The following CYP19A1 variants were observed in gnomAD, a reference collection of about 807,000 sequenced individuals.
CYP19A1 encodes cytochrome P450 family 19 subfamily A member 1, also known as aromatase.
In CYP19A1, 32 loss-of-function variants were observed where a neutral mutation model predicts 44.4. The ratio of observed to expected loss-of-function variants is 0.72; its 90% confidence interval spans 0.54 to 0.97. CYP19A1 has a LOEUF of 0.97. CYP19A1 is among the 50% of genes least tolerant of loss of function. CYP19A1 has a pLI of 0.00. For synonymous variants in CYP19A1, 212 were observed against 215.6 expected (o/e 0.98, Z 0.14); for missense variants, 598 against 637.8 (o/e 0.94, Z 0.67).
chr15:51,229,766 T>C (rs1170509254), intron 3 of CYP19A1, among the ~76,000 whole-genome samples: 1 of 152,228 alleles, frequency 6.6e-6, no homozygotes, highest in Non-Finnish European at 1.5e-5. Flanking sequence ...GTAATTTATA[T>C]ATTCTTTATT....
At chr15:51,308,658 C>T (rs1244195703) in intron 1 of CYP19A1, among the ~76,000 whole-genome samples, 1 of 152,052 alleles carries the variant, frequency 6.6e-6, no homozygotes, top group African/African-American at 2.4e-5. Flanking sequence ...ATATTCAGAC[C>T]CCAAAGTCTT....
At chr15:51,312,825 C>T (rs2036340377) in intron 1 of CYP19A1, 1 of 152,312 alleles carries the variant, frequency 6.6e-6, no homozygotes, top group Non-Finnish European at 1.5e-5. Flanking sequence ...TATATGATGG[C>T]TCTTTTGAAA....
At chr15:51,233,265 G>T (rs1447992124) in intron 3 of CYP19A1, among the ~76,000 whole-genome samples, 1 of 152,152 alleles carries the variant, frequency 6.6e-6, no homozygotes, top group African/African-American at 2.4e-5. Flanking sequence ...GTTTGCCCGG[G>T]ACTATGCCAG....
intron 1 of CYP19A1, among the ~76,000 whole-genome samples, chr15:51,282,457 C>T (rs1401498366): frequency 6.6e-6 from 1 of 152,174 alleles, no homozygotes; most frequent in African/African-American, 2.4e-5. Flanking sequence ...GCTAAACTAT[C>T]ACAGCTGTAG....
At chr15:51,309,920 T>C (rs895138272) in intron 1 of CYP19A1, among the ~76,000 whole-genome samples, 3 of 152,312 alleles carry the variant, frequency 2.0e-5, no homozygotes, top group Middle Eastern at 3.4e-3. Context: ...CTCCAGGATA[T>C]AGCATATGGT....
In CYP19A1 at chr15:51,212,418, T is replaced by A. The variant is rs1595665808; in HGVS notation, c.1165A>T (p.Lys389Ter). The change falls in exon 9 of 10, where the codon AAA (lysine) becomes TAA (stop). Residue 389 changes from lysine (K) to a stop codon, truncating the protein, a stop_gained. Coordinates refer to ENST00000396402, the MANE Select transcript of CYP19A1 (RefSeq NM_000103.4). LOFTEE classifies it high-confidence loss of function. ...TTCAGGATAATGTTTGTCCCCTTTT[T>A]CACTGGGTAGCCATCGATTACATCA... ...EDDVIDGYPV[K>*]KGTNIILNIG... 6.2e-7 allele frequency: 1 copy of A among 1,607,186 alleles called. No individual in the cohort carries two copies. Among genetic ancestry groups the A allele is most frequent in the Non-Finnish European group, 8.5e-7 (1 of 1,173,634 alleles).
intron 1 of CYP19A1, among the ~76,000 whole-genome samples, chr15:51,288,935 A>G (rs1378990230): frequency 1.3e-5 from 2 of 152,234 alleles, no homozygotes; most frequent in African/African-American, 2.4e-5. Context: ...AAGATCTGCA[A>G]TGTGGCAGTG....
chr15:51,257,085 A>G (rs947712734), intron 1 of CYP19A1, among the ~76,000 whole-genome samples: 2 of 152,252 alleles, frequency 1.3e-5, no homozygotes, highest in African/African-American at 4.8e-5. Flanking sequence ...TGCTTTAGGC[A>G]GCAGCCTCCC....
At chr15:51,317,343 T>C (rs2036445864) in intron 1 of CYP19A1, among the ~76,000 whole-genome samples, 1 of 152,108 alleles carries the variant, frequency 6.6e-6, no homozygotes, top group Non-Finnish European at 1.5e-5. Flanking sequence ...TCTCCTGACC[T>C]CGTGATCGGC....
In CYP19A1 at chr15:51,209,265, C is replaced by T. The variant is rs1205349494; in HGVS notation, c.*1543G>A. ...GTTTCTGCATCAGTTGGGAGTATCT[C>T]TGAGCAGGAATGTCTATTCAGAACT... On this transcript the variant is annotated 3_prime_UTR_variant, in exon 10 of 10. Coordinates refer to ENST00000396402, the MANE Select transcript of CYP19A1 (RefSeq NM_000103.4). 6.6e-6 allele frequency: 1 copy of T among 152,140 alleles called. No individual in the cohort carries two copies. Among genetic ancestry groups the T allele is most frequent in the Non-Finnish European group, 1.5e-5 (1 of 68,010 alleles). 9.4% of individuals were successfully genotyped at this position (152,140 alleles called of 1,614,324 possible). A position where few individuals can be genotyped will look rare whatever the true frequency, so the allele number is the denominator to read the frequency against.
intron 1 of CYP19A1, among the ~76,000 whole-genome samples, chr15:51,284,699 C>G (rs963152622): frequency 7.2e-5 from 11 of 152,160 alleles, no homozygotes; most frequent in Non-Finnish European, 1.5e-4. Flanking sequence ...CAACCCATAA[C>G]TGCAGTGAAA....
At chr15:51,328,994 G>A (rs1278416290) in intron 1 of CYP19A1, among the ~76,000 whole-genome samples, 2 of 152,090 alleles carry the variant, frequency 1.3e-5, no homozygotes, top group Non-Finnish European at 2.9e-5. Context: ...CTCAGACCAG[G>A]CCTACACTCT....
chr15:51,263,028 T>C (rs1001240467), intron 1 of CYP19A1, among the ~76,000 whole-genome samples: 2 of 152,126 alleles, frequency 1.3e-5, no homozygotes. Context: ...ATTTGGCCAC[T>C]GTAGAGATGG....
intron 1 of CYP19A1, among the ~76,000 whole-genome samples, chr15:51,336,972 C>A (rs981576595): frequency 6.6e-6 from 1 of 151,444 alleles, no homozygotes; most frequent in South Asian, 2.1e-4. Flanking sequence ...TCAGGCAGGG[C>A]AGGCTATGCA....
At chr15:51,296,492 C>T (rs1247699821) in intron 1 of CYP19A1, among the ~76,000 whole-genome samples, 2 of 152,188 alleles carry the variant, frequency 1.3e-5, no homozygotes, top group African/African-American at 2.4e-5. Context: ...GCACTGGCAC[C>T]TCTAAACTGG....
intron 1 of CYP19A1, among the ~76,000 whole-genome samples, chr15:51,294,325 G>A (rs1175606263): frequency 4.3e-5 from 6 of 140,582 alleles, no homozygotes; most frequent in Admixed American, 7.0e-5. Context: ...CTGCCCCGCC[G>A]CCCCGTCTGG....
At chr15:51,318,899 A>G (rs973136025) in intron 1 of CYP19A1, 4 of 152,242 alleles carry the variant, frequency 2.6e-5, no homozygotes, top group African/African-American at 9.6e-5. Flanking sequence ...ATAATGTGGT[A>G]TGTCCAGCAT....
At chr15:51,264,759 A>G (rs1334606632) in intron 1 of CYP19A1, among the ~76,000 whole-genome samples, 1 of 152,148 alleles carries the variant, frequency 6.6e-6, no homozygotes, top group East Asian at 1.9e-4. Context: ...CCTTGGTTAC[A>G]GCGGTGGCAC....
At chr15:51,324,711 AAAGC>A (rs1282380292) in intron 1 of CYP19A1, among the ~76,000 whole-genome samples, 1 of 152,284 alleles carries the variant, frequency 6.6e-6, no homozygotes, top group Non-Finnish European at 1.5e-5. Flanking sequence ...AAATTGAGAA[AAAGC>A]AATGGAAGAT....
Sources: allele counts gnomAD v4.1 joint callset (sites outside exome capture counted in the v4.1 genomes callset), GRCh38; gene constraint gnomAD v4.1.1; transcripts MANE v1.5; gene names NCBI Gene and HGNC (gene_info 2026-07-23, HGNC 2026-07-21).